The following COL5A3 variants were observed in gnomAD, a reference collection of about 807,000 sequenced individuals.
COL5A3 encodes collagen type V alpha 3 chain, also known as collagen alpha-3(V) chain.
A neutral mutation model predicts 250.0 loss-of-function variants in COL5A3; 172 were observed. The ratio of observed to expected loss-of-function variants is 0.69; its 90% CI spans 0.61 to 0.78. The LOEUF is 0.78. COL5A3 is among the 30% of genes least tolerant of loss of function. The pLI, the probability that COL5A3 is intolerant of heterozygous loss-of-function variation, is 0.00. For synonymous variants in COL5A3, 937 were observed against 900.4 expected (o/e 1.04, Z -0.73); for missense variants, 2,340 against 2,334.4 (o/e 1.00, Z -0.05).
At chr19:9,976,986 C>G (rs1008873183) in intron 44 of COL5A3, among the ~76,000 whole-genome samples, 22 of 152,240 alleles carry the variant, frequency 1.4e-4, no homozygotes, top group African/African-American at 5.3e-4. Context: ...TACCCGCACC[C>G]CAGTGCCTTT....
At chr19:9,992,236 A>G (rs1199316259) in intron 21 of COL5A3, among the ~76,000 whole-genome samples, 188 bp from the exon 22 acceptor site, 1 of 152,026 alleles carries the variant, frequency 6.6e-6, no homozygotes, top group Admixed American at 6.6e-5. Context: ...CAGCCTGGCC[A>G]ACATTGTGAA....
At position 9,980,681 on chromosome 19, in the gene COL5A3, G is replaced by A; in HGVS notation, c.2571C>T (p.Gly857=). The A allele has an allele frequency of 6.2e-7, 1 of 1,613,628 alleles. No individual in the cohort carries two copies. The highest frequency in any genetic ancestry group is 8.5e-7 in the Non-Finnish European group (1 of 1,179,922). ...TGQPGPKGDV[G]QDGAPGIPGE... Reference sequence around the variant, plus strand: ...CAGGGATCCCAGGGGCTCCATCCTGGCCCACATCGCCCTAGGACAGAGTGA... The same window carrying A: ...CAGGGATCCCAGGGGCTCCATCCTGACCCACATCGCCCTAGGACAGAGTGA... Residue 857 remains glycine (G), a synonymous_variant, in exon 35 of 67, where the codon GGC becomes GGT. Coordinates refer to ENST00000264828, the MANE Select transcript of COL5A3 (RefSeq NM_015719.4).
In COL5A3 at chr19:9,993,781, C is replaced by T. The variant is rs1369661896; in HGVS notation, c.1613G>A (p.Arg538Gln). ...AGGTCCAGTGTCCCCTGGGAGGCCC[C>T]GAGCTCCATCTGCTCCAGGGCGGCC... is the stretch of plus-strand genomic sequence containing the variant. The part of the protein sequence containing the change: ...KMGRPGADGA[R>Q]GLPGDTGPKG... Residue 538 changes from arginine to glutamine, a missense_variant, in exon 17 of 67, where the codon CGG becomes CAG. Physicochemically the swap from Arg to Gln is conservative, Grantham distance 43. Transcript: ENST00000264828. 2.2e-5 allele frequency: 35 copies of T among 1,614,050 alleles called. No individual in the cohort carries two copies. The highest frequency in any genetic ancestry group is 2.7e-5 in the Non-Finnish European group (32 of 1,180,026).
chr19:9,962,847 C>T lies in COL5A3; in HGVS notation c.4823G>A (p.Trp1608Ter). 2 of 1,611,594 alleles carry T rather than the reference C, an allele frequency of 1.2e-6. No individual in the cohort carries two copies. Among genetic ancestry groups the T allele is most frequent in the Middle Eastern group, 1.7e-4 (1 of 6,056 alleles). ...CTTCCCTCGACGGAATGTGCTATAC[C>T]AGCCTCCAGGCTTTTCCTTGGACCA... ...ASWSKEKPGG[W>*]YSTFRRGKKF... Residue 1608 changes from tryptophan (W) to a stop codon, truncating the protein, a stop_gained, in exon 65 of 67, where the codon TGG becomes TAG. Transcript: ENST00000264828. LOFTEE classifies it high-confidence loss of function.
At chr19:9,992,113 C>T (rs566670589) in intron 21 of COL5A3, 65 bp from the exon 22 acceptor site, 23 of 1,411,458 alleles carry the variant, frequency 1.6e-5, no homozygotes, top group Non-Finnish European at 2.1e-5. Context: ...TCTGAGACAC[C>T]GAGAGATGCA....
intron 31 of COL5A3, 100 bp from the exon 32 acceptor site, chr19:9,982,218 A>T: frequency 1.3e-6 from 1 of 776,402 alleles, no homozygotes; most frequent in Non-Finnish European, 2.1e-6. Context: ...CAGGTCACTG[A>T]TTCCAGAAGC....
rs150339396 is a variant in COL5A3 at position 9,997,407 on chromosome 19, G to A, written c.1227C>T (p.Pro409=). 220 of 1,609,456 alleles carry A rather than the reference G, an allele frequency of 1.4e-4. 1 individual carries two copies. In the East Asian group the frequency reaches 3.6e-3, roughly 26 times the overall value. ...PQGVVGPSGP[P]GPPGFPGDPG... is the part of the protein sequence containing the mutation. ...GGTCGCCAGGGAATCCTGGGGGGCC[G>A]GGAGGGCCTGAGGGGCCAACCACCC... Residue 409 remains proline, a synonymous_variant, in exon 11 of 67, where the codon CCC becomes CCT. Coordinates refer to ENST00000264828, the MANE Select transcript of COL5A3 (RefSeq NM_015719.4).
rs930188997 is a variant in COL5A3, at chr19:10,005,561, G to A, written c.591C>T (p.Phe197=). Reference sequence around the variant, plus strand: ...TCCCCCATCACTGAACTCCTACCTCGAAAGTCTTTTCCCCAAGGTCCTGGG... The same window carrying A: ...TCCCCCATCACTGAACTCCTACCTCAAAAGTCTTTTCCCCAAGGTCCTGGG... ...LGTQDLGEKT[F]EGDIQELLIS... is the part of the protein sequence containing the mutation. Residue 197 remains phenylalanine, a synonymous_variant, in exon 4 of 67, where the codon TTC becomes TTT. Coordinates refer to ENST00000264828, the MANE Select transcript of COL5A3 (RefSeq NM_015719.4). 27 of 1,614,038 alleles carry A rather than the reference G, an allele frequency of 1.7e-5. No individual in the cohort carries two copies. The highest frequency in any genetic ancestry group is 2.0e-5 in the Non-Finnish European group (24 of 1,179,964).
intron 26 of COL5A3, 58 bp from the exon 27 acceptor site, chr19:9,989,235 C>T (rs1474177708): frequency 1.9e-6 from 3 of 1,598,036 alleles, no homozygotes; most frequent in African/African-American, 2.7e-5. Flanking sequence ...TTCTAAGAGC[C>T]CTCATCTCTC....
chr19:10,003,608 T>G lies in COL5A3; in HGVS notation c.806A>C (p.Glu269Ala). The change falls in exon 6 of 67, where the codon GAA (glutamate) becomes GCA (alanine). Residue 269 changes from glutamate (E) to alanine (A), a missense_variant. Around this residue, in one of 3 missense-constraint regions of COL5A3, gnomAD observed 1,152 missense variants for 1,146.3 expected, o/e 1.00. Transcript: ENST00000264828. ...AGGAGGTGGACTTGAGGTCCAAATT[T>G]CCTTGTTCTTTTTCCTGCCCTTCCC... ...RKGKGRKKNKEIWTSSPPPDS... is the reference protein window; with the variant it reads ...RKGKGRKKNKAIWTSSPPPDS... 1 of 1,614,116 alleles carries G rather than the reference T, an allele frequency of 6.2e-7. No homozygotes were observed. The highest frequency in any genetic ancestry group is 8.5e-7 in the Non-Finnish European group (1 of 1,180,020).
Position 9,986,326 on chromosome 19 carries a change from C to T in COL5A3, c.2341G>A (p.Ala781Thr). Residue 781 changes from alanine to threonine, a missense_variant, in exon 30 of 67, where the codon GCT (alanine) becomes ACT (threonine). Physicochemically the swap from Ala to Thr is moderately conservative, Grantham distance 58. Transcript: ENST00000264828. ...QAGEEGPPGS[A>T]GEKGKLGVPG... ...GGAGAGTCATTTACCTTCTCCCCAG[C>T]TGAGCCTGGGGGCCCCTCCTCGCCA... 6.4e-7 allele frequency: 1 copy of T among 1,573,852 alleles called. No individual in the cohort carries two copies. Among genetic ancestry groups the T allele is most frequent in the Non-Finnish European group, 8.6e-7 (1 of 1,167,292 alleles).
intron 30 of COL5A3, among the ~76,000 whole-genome samples, 190 bp downstream of exon 30, chr19:9,986,125 T>C (rs1012826697): frequency 2.6e-5 from 4 of 152,224 alleles, no homozygotes; most frequent in African/African-American, 7.2e-5. Flanking sequence ...CTATTGCATG[T>C]GGTGGTTATG....
chr19:10,003,782 G>C, intron 5 of COL5A3, 68 bp from the exon 6 acceptor site: 1 of 1,592,752 alleles, frequency 6.3e-7, no homozygotes, highest in Non-Finnish European at 8.6e-7. Context: ...CAGGTCACCT[G>C]GGGTGAGGCT....
chr19:9,984,002 C>G (rs2087059146), intron 31 of COL5A3, among the ~76,000 whole-genome samples: 1 of 151,510 alleles, frequency 6.6e-6, no homozygotes, highest in Non-Finnish European at 1.5e-5. Context: ...GAGGATTCTG[C>G]ACTCAATTAT....
Position 9,968,075 on chromosome 19 carries a change from G to T in COL5A3, c.4319C>A (p.Pro1440His). ...GPPGPKGDPG[P>H]PGPIGSLGHP... ...GCCCAGAGAGCCAATGGGACCAGGGGGACCCTAGGAAAAGGACATCGGGTC... is the reference window on the plus strand; with the variant it reads ...GCCCAGAGAGCCAATGGGACCAGGGTGACCCTAGGAAAAGGACATCGGGTC... The change falls in exon 60 of 67, where the codon CCC becomes CAC. Residue 1440 changes from proline (P) to histidine (H), a missense_variant. By Grantham distance (77) the Pro-to-His change is moderately conservative (BLOSUM62 -2). Around this residue, in one of 3 missense-constraint regions of COL5A3, gnomAD observed 1,179 missense variants for 1,162.6 expected, o/e 1.01. Transcript: ENST00000264828. The surrounding 1 kb of genome is among the most constrained non-coding windows in gnomAD (Gnocchi z 4.1). The T allele has an allele frequency of 1.8e-5, 29 of 1,588,020 alleles. No homozygotes were observed. Among genetic ancestry groups the T allele is most frequent in the Non-Finnish European group, 2.5e-5 (29 of 1,173,334 alleles).
chr19:9,990,492 C>T (rs2087172033), intron 24 of COL5A3, among the ~76,000 whole-genome samples: 1 of 152,006 alleles, frequency 6.6e-6, no homozygotes, highest in Admixed American at 6.6e-5. Flanking sequence ...TTCTTATGCG[C>T]ATGCCTGTAT....
In COL5A3 at chr19:9,968,062, A is replaced by C. The variant is rs376148241; in HGVS notation, c.4332T>G (p.Ile1444Met). ...PKGDPGPPGP[I>M]GSLGHPGPPG... ...GGGGCCCAGGGTGGCCCAGAGAGCC[A>C]ATGGGACCAGGGGGACCCTAGGAAA... is the stretch of plus-strand genomic sequence containing the variant. The change falls in exon 60 of 67, where the codon ATT (isoleucine) becomes ATG (methionine). Residue 1444 changes from isoleucine to methionine, a missense_variant. By Grantham distance (10) the Ile-to-Met change is conservative. This residue lies in a region of COL5A3 where 1,179 missense variants were observed against 1,162.6 expected (regional missense o/e 1.01). Coordinates refer to ENST00000264828, the MANE Select transcript of COL5A3 (RefSeq NM_015719.4). The surrounding 1 kb of genome is among the most constrained non-coding windows in gnomAD (Gnocchi z 4.1). 8.2e-6 allele frequency: 13 copies of C among 1,590,674 alleles called. No individual in the cohort carries two copies. Among genetic ancestry groups the C allele is most frequent in the Non-Finnish European group, 1.1e-5 (13 of 1,173,800 alleles).
At position 10,005,769 on chromosome 19, in the gene COL5A3, A is replaced by AC. The variant is rs752854259; in HGVS notation, c.437+26dup. 7.5e-6 allele frequency: 12 copies of AC among 1,598,468 alleles called. 1 individual carries two copies. In the Admixed American group the frequency reaches 8.5e-5, roughly 11 times the overall value. ...TTCTCACCCCACCCCTTATCCACGG[A>AC]CCCCCGCCCACTCTCCCCATGCTCA... On this transcript the variant is annotated intron_variant, in intron 3 of 66. Transcript: ENST00000264828.
rs762374873 is a variant in COL5A3, at chr19:9,977,423, G to A, written c.3176C>T (p.Pro1059Leu). ...GPTGKDGIPG[P>L]LGPLGPPGAA... Reference sequence around the variant, plus strand: ...TCCAGGGGGTCCCAGAGGCCCCAGGGGCCCTGGGATCCCATCTTTGCCAGT... The same window carrying A: ...TCCAGGGGGTCCCAGAGGCCCCAGGAGCCCTGGGATCCCATCTTTGCCAGT... Residue 1059 changes from proline (P) to leucine (L), a missense_variant, in exon 43 of 67, where the codon CCC (proline) becomes CTC (leucine). By Grantham distance (98) the Pro-to-Leu change is moderately conservative. Coordinates refer to ENST00000264828, the MANE Select transcript of COL5A3 (RefSeq NM_015719.4). 24 of 1,528,938 alleles carry A rather than the reference G, an allele frequency of 1.6e-5. No homozygotes were observed. The highest frequency in any genetic ancestry group is 2.3e-5 in the East Asian group (1 of 44,082). The allele number at this position is 1,528,938 out of a possible 1,614,324, so 94.7% of individuals were successfully genotyped here.
Sources: allele counts gnomAD v4.1 joint callset (sites outside exome capture counted in the v4.1 genomes callset), GRCh38; gene constraint gnomAD v4.1.1; regional missense constraint gnomAD v4.1.1; non-coding constraint Gnocchi (gnomAD v3.1); transcripts MANE v1.5; gene names NCBI Gene and HGNC (gene_info 2026-07-23, HGNC 2026-07-21).